Variants in CSMD1 observed in about 807,000 individuals in gnomAD.
CSMD1 encodes CUB and sushi domain-containing protein 1.
A neutral mutation model predicts 417.5 loss-of-function variants in CSMD1; 213 were observed. The ratio of observed to expected loss-of-function variants is 0.51; its 90% CI spans 0.46 to 0.57. CSMD1 has a LOEUF of 0.57. CSMD1 is among the 20% of genes least tolerant of loss of function. The pLI is 0.00. For missense variants in CSMD1, 6,923 were observed against 4,529.7 expected (o/e 1.53, Z -15.17); for synonymous variants, 2,862 against 1,736.8 (o/e 1.65, Z -16.11).
chr8:3,392,742 G>A (rs1334004003), intron 17 of CSMD1, among the ~76,000 whole-genome samples: 1 of 152,060 alleles, frequency 6.6e-6, no homozygotes, highest in Non-Finnish European at 1.5e-5. Context: ...AAGCTCCCAG[G>A]GATGTGTTAG....
intron 2 of CSMD1, among the ~76,000 whole-genome samples, chr8:4,427,540 C>A (rs955663871): frequency 6.6e-6 from 1 of 151,914 alleles, no homozygotes; most frequent in Non-Finnish European, 1.5e-5. Context: ...CACAGTGAAT[C>A]ATGTGAGTAT....
chr8:4,155,416 T>G (rs1268781150), intron 3 of CSMD1, among the ~76,000 whole-genome samples: 1 of 152,196 alleles, frequency 6.6e-6, no homozygotes, highest in African/African-American at 2.4e-5. Flanking sequence ...AAATCAGAAC[T>G]TGCCTCTGTT....
At chr8:4,020,443 T>C (rs1299806443) in intron 4 of CSMD1, among the ~76,000 whole-genome samples, 4 of 152,204 alleles carry the variant, frequency 2.6e-5, no homozygotes, top group Non-Finnish European at 5.9e-5. Context: ...GCTCTATTGA[T>C]ATTATAGGAT....
At chr8:4,205,769 A>G (rs759942288) in intron 3 of CSMD1, among the ~76,000 whole-genome samples, 3 of 152,076 alleles carry the variant, frequency 2.0e-5, no homozygotes, top group Non-Finnish European at 4.4e-5. Flanking sequence ...TTTGGGCCAT[A>G]GAAGAAATAG....
At chr8:3,120,717 G>A (rs969626009) in intron 41 of CSMD1, among the ~76,000 whole-genome samples, 17 of 150,980 alleles carry the variant, frequency 1.1e-4, no homozygotes, top group Non-Finnish European at 2.1e-4. Flanking sequence ...GGGGGTGACC[G>A]GCACCTGTAA....
At chr8:4,553,348 C>T (rs951031651) in intron 2 of CSMD1, among the ~76,000 whole-genome samples, 1 of 152,000 alleles carries the variant, frequency 6.6e-6, no homozygotes, top group African/African-American at 2.4e-5. Flanking sequence ...TCATTAATTA[C>T]TCCTGACAGG....
chr8:4,379,011 AAG>A (rs1279363451), intron 3 of CSMD1, among the ~76,000 whole-genome samples: 3 of 152,224 alleles, frequency 2.0e-5, no homozygotes, highest in African/African-American at 7.2e-5. Context: ...GAAAGTAGCA[AAG>A]TATCTTCTTC....
At chr8:3,515,903 G>A (rs975389053) in intron 10 of CSMD1, among the ~76,000 whole-genome samples, 2 of 152,194 alleles carry the variant, frequency 1.3e-5, no homozygotes, top group African/African-American at 2.4e-5. Context: ...ATAGTGTTTG[G>A]TTACAGCAGA....
intron 1 of CSMD1, among the ~76,000 whole-genome samples, chr8:4,959,125 G>A (rs1027896213): frequency 6.6e-6 from 1 of 152,156 alleles, no homozygotes; most frequent in African/African-American, 2.4e-5. Flanking sequence ...GATTTTTAAA[G>A]GTTATATGAG....
At chr8:3,402,485 C>G (rs1232613147) in intron 15 of CSMD1, among the ~76,000 whole-genome samples, 2 of 152,032 alleles carry the variant, frequency 1.3e-5, no homozygotes, top group African/African-American at 4.8e-5. Context: ...CTGTTAGAAG[C>G]AGAAGAAAGA....
intron 3 of CSMD1, among the ~76,000 whole-genome samples, chr8:4,398,065 T>A (rs768748564): frequency 3.3e-5 from 5 of 152,212 alleles, no homozygotes; most frequent in Non-Finnish European, 7.3e-5. Flanking sequence ...ATCAAATAGC[T>A]AGTATTACTT....
chr8:3,121,090 AC>A (rs201628713), intron 41 of CSMD1, among the ~76,000 whole-genome samples: 5,845 of 140,246 alleles, frequency 0.042, 354 homozygotes, highest in African/African-American at 0.16. Context: ...CCAAACAACA[AC>A]AAAAAAAAAA....
At chr8:3,523,801 G>C (rs912316674) in intron 10 of CSMD1, among the ~76,000 whole-genome samples, 2 of 119,308 alleles carry the variant, frequency 1.7e-5, no homozygotes, top group African/African-American at 3.4e-5. Flanking sequence ...ATGCACACAT[G>C]TGCACATACA....
chr8:4,043,292 C>A (rs908546079), intron 3 of CSMD1, among the ~76,000 whole-genome samples: 1 of 151,858 alleles, frequency 6.6e-6, no homozygotes, highest in Admixed American at 6.6e-5. Flanking sequence ...AGTACCCAAT[C>A]CAACAAAAGG....
At chr8:3,362,186 C>G (rs1365674265) in intron 20 of CSMD1, among the ~76,000 whole-genome samples, 1 of 152,172 alleles carries the variant, frequency 6.6e-6, no homozygotes, top group African/African-American at 2.4e-5. Context: ...CAACACCAAT[C>G]TCTGGACTTC....
intron 26 of CSMD1, among the ~76,000 whole-genome samples, chr8:3,239,739 C>T (rs1004054348): frequency 1.3e-5 from 2 of 152,094 alleles, no homozygotes; most frequent in African/African-American, 4.8e-5. Context: ...GGCGATTAGG[C>T]CTGGTGGAAC....
intron 23 of CSMD1, among the ~76,000 whole-genome samples, chr8:3,320,137 G>C (rs768138511): frequency 1.3e-5 from 2 of 152,170 alleles, no homozygotes; most frequent in Non-Finnish European, 2.9e-5. Flanking sequence ...AGGTTTGTCT[G>C]TGCTGTCCCA....
chr8:4,351,317 T>G (rs1349266957), intron 3 of CSMD1, among the ~76,000 whole-genome samples: 1 of 152,240 alleles, frequency 6.6e-6, no homozygotes, highest in African/African-American at 2.4e-5. Context: ...TAAATGTTTC[T>G]CCAGCTATAT....
intron 3 of CSMD1, among the ~76,000 whole-genome samples, chr8:4,255,792 A>C (rs568671898): frequency 1.2e-4 from 19 of 152,210 alleles, no homozygotes; most frequent in Non-Finnish European, 2.5e-4. Flanking sequence ...CCCCAGCTCC[A>C]TTCCATGGCC....
Sources: allele counts gnomAD v4.1 joint callset (sites outside exome capture counted in the v4.1 genomes callset), GRCh38; gene constraint gnomAD v4.1.1; transcripts MANE v1.5; gene names NCBI Gene and HGNC (gene_info 2026-07-23, HGNC 2026-07-21).